The following CEP170 variants were observed in gnomAD, a reference collection of about 807,000 sequenced individuals.
The protein encoded by CEP170 is centrosomal protein of 170 kDa.
In CEP170, 21 loss-of-function variants were observed where a neutral mutation model predicts 151.9. That is an observed-to-expected ratio of 0.14 (90% CI 0.10 to 0.20). CEP170 has a LOEUF of 0.20. Among genes scored for constraint, CEP170 ranks in the 10% least tolerant of loss-of-function variants. The pLI, the probability that CEP170 is intolerant of heterozygous loss-of-function variation, is 1.00. For synonymous variants in CEP170, 356 were observed against 648.8 expected, an observed-to-expected ratio of 0.55 and a Z score of 6.86; for missense variants, 964 against 1,892.9, an observed-to-expected ratio of 0.51 and a Z score of 9.11.
chr1:243,244,733 G>A (rs2065200207), intron 1 of CEP170, among the ~76,000 whole-genome samples: 1 of 149,346 alleles, frequency 6.7e-6, no homozygotes, highest in Admixed American at 6.7e-5. Flanking sequence ...AGGACAAAGT[G>A]AAACCCTGTT....
chr1:243,249,151 C>G (rs555768940), intron 1 of CEP170, among the ~76,000 whole-genome samples: 23 of 152,088 alleles, frequency 1.5e-4, no homozygotes, highest in Non-Finnish European at 2.8e-4. Flanking sequence ...CATGGCCAGG[C>G]GTGGTGGTTC....
At chr1:243,227,788 G>C (rs1012374062) in intron 1 of CEP170, among the ~76,000 whole-genome samples, 7 of 152,186 alleles carry the variant, frequency 4.6e-5, no homozygotes, top group Admixed American at 6.5e-5. Context: ...TACGAAAAAG[G>C]TTTTGACCCT....
intron 7 of CEP170, among the ~76,000 whole-genome samples, chr1:243,194,028 G>C (rs2060479511): frequency 6.6e-6 from 1 of 151,944 alleles, no homozygotes. Flanking sequence ...ACCCAAGACA[G>C]ATATGACAAT....
intron 4 of CEP170, among the ~76,000 whole-genome samples, chr1:243,206,524 T>C (rs1449198220): frequency 7.9e-5 from 12 of 152,286 alleles, no homozygotes; most frequent in Admixed American, 7.2e-4. Flanking sequence ...GTACAAGAAA[T>C]GTTGAAGGAA....
chr1:243,144,910 A>T (rs1052768923), intron 14 of CEP170, among the ~76,000 whole-genome samples: 43 of 152,202 alleles, frequency 2.8e-4, no homozygotes, highest in African/African-American at 1.0e-3. Context: ...AAGTGTCAGA[A>T]CCACTGACTC....
intron 2 of CEP170, 119 bp from the exon 3 acceptor site, chr1:243,221,932 T>G: frequency 1.2e-6 from 1 of 854,272 alleles, no homozygotes; most frequent in Non-Finnish European, 1.7e-6. Context: ...TCAAAGTAAG[T>G]GTGGATTAAA....
At chr1:243,157,137 T>C (rs1376345151) in intron 13 of CEP170, among the ~76,000 whole-genome samples, 1 of 152,190 alleles carries the variant, frequency 6.6e-6, no homozygotes, top group African/African-American at 2.4e-5. Flanking sequence ...AAATAGACAA[T>C]GGCATAAAAT....
chr1:243,213,379 A>G (rs1407066157), intron 3 of CEP170, among the ~76,000 whole-genome samples: 1 of 152,226 alleles, frequency 6.6e-6, no homozygotes, highest in Non-Finnish European at 1.5e-5. Flanking sequence ...CACCTATTAA[A>G]GAGCACAGTT....
At chr1:243,208,450 A>C (rs1021430313) in intron 4 of CEP170, among the ~76,000 whole-genome samples, 1 of 152,196 alleles carries the variant, frequency 6.6e-6, no homozygotes, top group African/African-American at 2.4e-5. Flanking sequence ...TCCTACGAGA[A>C]CTGATATATT....
chr1:243,185,410 C>T lies in CEP170; in HGVS notation c.1566+369G>A, dbSNP rs543447321. Among the ~76,000 whole-genome samples the T allele has an allele frequency of 9.7e-4, 148 of 152,292 alleles. No individual in the cohort carries two copies. The highest frequency in any genetic ancestry group is 3.2e-3 in the African/African-American group (135 of 41,564). On this transcript the variant is annotated intron_variant, in intron 10 of 19. Coordinates refer to ENST00000366542, the MANE Select transcript of CEP170 (RefSeq NM_014812.3). The surrounding 1 kb of genome is among the most constrained non-coding windows in gnomAD (Gnocchi z 4.9). ...GTTAACTATTATTGGCTAATATCTA[C>T]ATTTATGTTAACAGAGTTATAGCAA...
Position 243,165,770 on chromosome 1 carries a change from C to G in CEP170, c.2190G>C (p.Glu730Asp), listed in dbSNP as rs1323845900. The G allele has an allele frequency of 3.1e-6, 5 of 1,613,938 alleles. No individual in the cohort carries two copies. Among genetic ancestry groups the G allele is most frequent in the African/African-American group, 1.3e-5 (1 of 74,946 alleles). Residue 730 changes from glutamate to aspartate, a missense_variant, in exon 13 of 20, where the codon GAG (glutamate) becomes GAC (aspartate). Glu to Asp is a conservative substitution (Grantham distance 45). Transcript: ENST00000366542. Reference protein sequence around the residue: ...LHLGSSAPGKEKSETDKETSL... With the variant: ...LHLGSSAPGKDKSETDKETSL... ...AAGTTTCCTTATCAGTTTCACTTTT[C>G]TCTTTTCCAGGAGCAGAGCTGCCTA...
chr1:243,172,393 G>A (rs2148618956), intron 11 of CEP170, among the ~76,000 whole-genome samples: 1 of 152,330 alleles, frequency 6.6e-6, no homozygotes, highest in Non-Finnish European at 1.5e-5. Context: ...CTCGCACCAT[G>A]GGAGGCTGAG....
At chr1:243,162,041 A>T in intron 13 of CEP170, among the ~76,000 whole-genome samples, 1 of 152,228 alleles carries the variant, frequency 6.6e-6, no homozygotes, top group Non-Finnish European at 1.5e-5. Context: ...TCTTGAGAGA[A>T]TCTGAATATA....
chr1:243,201,514 A>T (rs1361795261), intron 4 of CEP170, among the ~76,000 whole-genome samples: 1 of 152,152 alleles, frequency 6.6e-6, no homozygotes, highest in Non-Finnish European at 1.5e-5. Context: ...TAAAGAGTAG[A>T]GGTCACATTT....
intron 14 of CEP170, among the ~76,000 whole-genome samples, chr1:243,154,288 C>T (rs2057366843): frequency 6.6e-6 from 1 of 152,256 alleles, no homozygotes; most frequent in Non-Finnish European, 1.5e-5. Flanking sequence ...TCAAATATTG[C>T]TCTCAGCACA....
At chr1:243,140,406 A>C (rs1172553959) in intron 15 of CEP170, 3 of 235,622 alleles carry the variant, frequency 1.3e-5, no homozygotes, top group Non-Finnish European at 2.4e-5. Flanking sequence ...TGGTAAATAG[A>C]AAAAAAGCTG....
intron 4 of CEP170, among the ~76,000 whole-genome samples, chr1:243,202,199 T>A (rs2061089127): frequency 6.6e-6 from 1 of 152,122 alleles, no homozygotes; most frequent in South Asian, 2.1e-4. Flanking sequence ...AACTCAGGAA[T>A]CAAAAACCCA....
chr1:243,230,629 G>A (rs1023786095), intron 1 of CEP170, among the ~76,000 whole-genome samples: 6 of 152,100 alleles, frequency 3.9e-5, no homozygotes, highest in African/African-American at 1.4e-4. Flanking sequence ...CTCAATAGAG[G>A]GGCTCAAAAG....
intron 13 of CEP170, among the ~76,000 whole-genome samples, chr1:243,159,079 A>C (rs73116143): frequency 0.081 from 12,280 of 152,116 alleles, 1,127 homozygotes; most frequent in African/African-American, 0.21. Flanking sequence ...AACAAAAACA[A>C]AACAAAAAGA....
Sources: gnomAD v4.1 joint callset for allele counts (sites outside exome capture counted in the v4.1 genomes callset) on GRCh38, gnomAD v4.1.1 for gene constraint, Gnocchi (gnomAD v3.1) non-coding constraint, MANE v1.5 for transcripts, NCBI Gene and HGNC (gene_info 2026-07-23, HGNC 2026-07-21) for gene names.